Variants in FHOD3 observed in about 807,000 individuals in gnomAD.
FHOD3 encodes the protein formin homology 2 domain containing 3.
FHOD3 carries 90 observed loss-of-function variants against 173.0 expected under a neutral mutation model. That is an observed-to-expected ratio of 0.52 (90% confidence interval 0.44 to 0.62). FHOD3 has a LOEUF of 0.62. Among genes scored for constraint, FHOD3 ranks in the 20% least tolerant of loss-of-function variants. The pLI, the probability that FHOD3 is intolerant of heterozygous loss-of-function variation, is 0.00. For missense variants in FHOD3, 1,945 were observed against 2,034.7 expected, an observed-to-expected ratio of 0.96 and a Z score of 0.85; for synonymous variants, 828 against 823.0, an observed-to-expected ratio of 1.01 and a Z score of -0.10.
At chr18:36,441,332 T>C (rs746014949) in intron 3 of FHOD3, among the ~76,000 whole-genome samples, 51 of 152,306 alleles carry the variant, frequency 3.3e-4, no homozygotes, top group Non-Finnish European at 5.3e-4. Context: ...AACCCTGCTT[T>C]CTGAGGAGAA....
In FHOD3 at chr18:36,760,745, C is replaced by G; in HGVS notation, c.4587C>G (p.Pro1529=). The change falls in exon 27 of 29, where the codon CCC becomes CCG. Residue 1529 remains proline, a synonymous_variant. Coordinates refer to ENST00000590592, the MANE Select transcript of FHOD3 (RefSeq NM_001281740.3). The part of the protein sequence containing the change: ...TSSPSVEDAT[P]ALGVRTRSRA... ...CCCCCTCCGTGGAGGACGCCACCCC[C>G]GCGCTGGGCGTCCGCACACGCAGCC... 3 of 1,612,412 alleles carry G rather than the reference C, an allele frequency of 1.9e-6. No individual in the cohort carries two copies. Among genetic ancestry groups the G allele is most frequent in the South Asian group, 1.1e-5 (1 of 91,042 alleles).
intron 1 of FHOD3, among the ~76,000 whole-genome samples, chr18:36,324,082 G>A (rs559001736): frequency 2.5e-4 from 38 of 152,342 alleles, no homozygotes; most frequent in African/African-American, 7.9e-4. Context: ...AAATAGACCA[G>A]TGGAACAGCA....
At chr18:36,495,179 G>T (rs2054678438) in intron 3 of FHOD3, among the ~76,000 whole-genome samples, 1 of 152,056 alleles carries the variant, frequency 6.6e-6, no homozygotes, top group African/African-American at 2.4e-5. Flanking sequence ...TGGCTCAAGC[G>T]ATCTGCCGGC....
At chr18:36,314,207 G>A (rs2092315300) in intron 1 of FHOD3, among the ~76,000 whole-genome samples, 2 of 152,140 alleles carry the variant, frequency 1.3e-5, no homozygotes, top group Non-Finnish European at 2.9e-5. Flanking sequence ...CAAAGTACTG[G>A]CGTCCCCTGC....
At chr18:36,728,448 A>T (rs1362673690) in intron 19 of FHOD3, among the ~76,000 whole-genome samples, 2 of 152,198 alleles carry the variant, frequency 1.3e-5, no homozygotes, top group African/African-American at 2.4e-5. Context: ...AGAACAGAAC[A>T]CTTTCCCTGA....
chr18:36,445,937 A>G (rs8098892), intron 3 of FHOD3, among the ~76,000 whole-genome samples: 2,878 of 152,298 alleles, frequency 0.019, 79 homozygotes, highest in African/African-American at 0.065. Flanking sequence ...AGAAACCTTG[A>G]TCCTACTCCA....
At chr18:36,643,290 T>A (rs2035462423) in intron 10 of FHOD3, among the ~76,000 whole-genome samples, 1 of 152,034 alleles carries the variant, frequency 6.6e-6, no homozygotes. Context: ...ACTGAATAAT[T>A]CTTTGTCGTG....
At chr18:36,401,542 G>A (rs1263489149) in intron 3 of FHOD3, among the ~76,000 whole-genome samples, 3 of 152,228 alleles carry the variant, frequency 2.0e-5, no homozygotes, top group Non-Finnish European at 4.4e-5. Context: ...GAGAGCACTA[G>A]ACCAAGAGGC....
At chr18:36,522,306 T>G (rs1378184298) in intron 5 of FHOD3, among the ~76,000 whole-genome samples, 1 of 152,240 alleles carries the variant, frequency 6.6e-6, no homozygotes, top group Non-Finnish European at 1.5e-5. Context: ...TTTGTACTAG[T>G]AATTGGAGAG....
In FHOD3 at chr18:36,776,431, A is replaced by T. The variant is rs2043660456; in HGVS notation, c.4787-3017A>T. Among the ~76,000 whole-genome samples the T allele has an allele frequency of 3.9e-5, 6 of 152,210 alleles. No individual in the cohort carries two copies. The South Asian group carries it at 1.2e-3, about 31-fold the overall frequency. ...GGGGCTCTTGTCGCGTGTGACTTGAATTGGGTGTAAGACTGATTTTAGCTG... is the reference window on the plus strand; with the variant it reads ...GGGGCTCTTGTCGCGTGTGACTTGATTTGGGTGTAAGACTGATTTTAGCTG... On this transcript the variant is annotated intron_variant, in intron 28 of 28. Transcript: ENST00000590592.
At position 36,611,138 on chromosome 18, in the gene FHOD3, C is replaced by A. The variant is rs181212862; in HGVS notation, c.814-814C>A. On this transcript the variant is annotated intron_variant, in intron 8 of 28. Coordinates refer to ENST00000590592, the MANE Select transcript of FHOD3 (RefSeq NM_001281740.3). Reference sequence around the variant, plus strand: ...AAGTTTTTCTAAATTTCATAGACCACGGGGAGGCCCTATTGAATTTAAATA... The same window carrying A: ...AAGTTTTTCTAAATTTCATAGACCAAGGGGAGGCCCTATTGAATTTAAATA... 2.5e-3 allele frequency among the ~76,000 whole-genome samples: 374 copies of A among 152,292 alleles called. 1 individual carries two copies. The highest frequency in any genetic ancestry group is 2.3e-3 in the Non-Finnish European group (156 of 68,026).
At chr18:36,555,769 C>T (rs2057854256) in intron 5 of FHOD3, among the ~76,000 whole-genome samples, 2 of 152,100 alleles carry the variant, frequency 1.3e-5, no homozygotes, top group African/African-American at 2.4e-5. Context: ...GTCAAATTGA[C>T]CCCTTTATCA....
chr18:36,445,671 T>G (rs56742951), intron 3 of FHOD3, among the ~76,000 whole-genome samples: 2,865 of 152,248 alleles, frequency 0.019, 79 homozygotes, highest in African/African-American at 0.065. Context: ...AAAATGAGCT[T>G]TGCTTTACCT....
At chr18:36,623,114 A>G (rs2033838312) in intron 9 of FHOD3, among the ~76,000 whole-genome samples, 1 of 152,180 alleles carries the variant, frequency 6.6e-6, no homozygotes, top group Non-Finnish European at 1.5e-5. Flanking sequence ...TTGCCTTGAT[A>G]ATTTTTCCAG....
chr18:36,705,150 A>C (rs1015145123), intron 17 of FHOD3, among the ~76,000 whole-genome samples: 6 of 152,208 alleles, frequency 3.9e-5, no homozygotes, highest in Non-Finnish European at 7.3e-5. Flanking sequence ...AATGAAACAC[A>C]GAGCAGACAT....
intron 9 of FHOD3, among the ~76,000 whole-genome samples, chr18:36,619,772 T>A (rs868230031): frequency 2.6e-5 from 4 of 152,108 alleles, no homozygotes; most frequent in South Asian, 2.1e-4. Context: ...AAGCAGAGGA[T>A]CTGAGATCGC....
intron 8 of FHOD3, among the ~76,000 whole-genome samples, chr18:36,607,056 C>T (rs920434211): frequency 7.2e-5 from 11 of 152,168 alleles, no homozygotes; most frequent in African/African-American, 1.9e-4. Context: ...CTGGATTGCA[C>T]ACTGGTAGCT....
At chr18:36,324,937 A>G (rs545980630) in intron 1 of FHOD3, among the ~76,000 whole-genome samples, 21 of 152,358 alleles carry the variant, frequency 1.4e-4, no homozygotes, top group African/African-American at 4.3e-4. Flanking sequence ...ATGTTCATCA[A>G]TAGTGGAATT....
chr18:36,760,641 C>T lies in FHOD3; in HGVS notation c.4483C>T (p.Pro1495Ser). Residue 1495 changes from proline (P) to serine (S), a missense_variant, in exon 27 of 29, where the codon CCA (proline) becomes TCA (serine). By Grantham distance (74) the Pro-to-Ser change is moderately conservative. Coordinates refer to ENST00000590592, the MANE Select transcript of FHOD3 (RefSeq NM_001281740.3). The part of the protein sequence containing the change: ...GKFSGSSPAP[P>S]SQPQGLSYAE... ...GTTCTCCGGCAGTTCTCCGGCGCCC[C>T]CAAGCCAGCCGCAGGGTCTGAGCTA... 1 of 1,594,424 alleles carries T rather than the reference C, an allele frequency of 6.3e-7. No homozygotes were observed. The highest frequency in any genetic ancestry group is 8.6e-7 in the Non-Finnish European group (1 of 1,168,896).
Sources: allele counts gnomAD v4.1 joint callset (sites outside exome capture counted in the v4.1 genomes callset), GRCh38; gene constraint gnomAD v4.1.1; transcripts MANE v1.5; gene names NCBI Gene and HGNC (gene_info 2026-07-23, HGNC 2026-07-21).